Variants in TMEM41B observed in about 807,000 individuals in gnomAD.
TMEM41B encodes protein stasimon.
Under a neutral mutation model 31.9 loss-of-function variants are expected in TMEM41B, and 18 were observed. The observed-to-expected ratio is 0.56, with a 90% CI of 0.39 to 0.84. The LOEUF (loss-of-function observed/expected upper bound fraction) is 0.84. Among genes scored for constraint, TMEM41B ranks in the 40% least tolerant of loss-of-function variants. The pLI, the probability that TMEM41B is intolerant of heterozygous loss-of-function variation, is 0.00. For missense variants in TMEM41B, 322 were observed against 348.0 expected, an observed-to-expected ratio of 0.93 and a Z score of 0.59; for synonymous variants, 144 against 124.3, an observed-to-expected ratio of 1.16 and a Z score of -1.05.
Position 9,299,691 on chromosome 11 carries a change from C to A in TMEM41B, c.132G>T (p.Trp44Cys). 6.2e-7 allele frequency: 1 copy of A among 1,603,576 alleles called. No individual in the cohort carries two copies. The highest frequency in any genetic ancestry group is 8.5e-7 in the Non-Finnish European group (1 of 1,176,746). The change falls in exon 2 of 7, where the codon TGG (tryptophan) becomes TGT (cysteine). Residue 44 changes from tryptophan to cysteine, a missense_variant. Physicochemically the swap from Trp to Cys is radical, Grantham distance 215. Transcript: ENST00000528080. ...ACATTCTTGCTGATCCAGCTTCTAC[C>A]CAGGATTTTTCTGGAAGAAAAAAGA... Reference protein sequence around the residue: ...GSRDHQKEKSWVEAGSARMSL... With the variant: ...GSRDHQKEKSCVEAGSARMSL...
At chr11:9,309,068 A>G (rs1052260919) in intron 1 of TMEM41B, among the ~76,000 whole-genome samples, 1 of 152,038 alleles carries the variant, frequency 6.6e-6, no homozygotes, top group Non-Finnish European at 1.5e-5. Flanking sequence ...GCCAACACAG[A>G]GATAACCCGT....
intron 2 of TMEM41B, among the ~76,000 whole-genome samples, chr11:9,296,803 G>C (rs563465152): frequency 6.6e-6 from 1 of 152,232 alleles, no homozygotes; most frequent in East Asian, 1.9e-4. Context: ...AAAACTGCAA[G>C]TTTTCCAGTA....
chr11:9,301,843 AT>A (rs1289438825), intron 1 of TMEM41B, among the ~76,000 whole-genome samples: 1 of 152,216 alleles, frequency 6.6e-6, no homozygotes, highest in Non-Finnish European at 1.5e-5. Flanking sequence ...CGCCGAAGAC[AT>A]GTATCAGAAA....
At chr11:9,305,880 T>C (rs1267668762) in intron 1 of TMEM41B, among the ~76,000 whole-genome samples, 1 of 152,000 alleles carries the variant, frequency 6.6e-6, no homozygotes, top group Non-Finnish European at 1.5e-5. Context: ...TTTATAGGTC[T>C]ACATCTAAAT....
At chr11:9,286,360 T>C in intron 6 of TMEM41B, 95 bp downstream of exon 6, 2 of 1,277,982 alleles carry the variant, frequency 1.6e-6, no homozygotes, top group Non-Finnish European at 2.1e-6. Flanking sequence ...GGTGCTGGCA[T>C]AATCTGCAGA....
intron 1 of TMEM41B, among the ~76,000 whole-genome samples, chr11:9,304,950 C>G (rs539605567): frequency 6.6e-6 from 1 of 152,028 alleles, no homozygotes; most frequent in South Asian, 2.1e-4. Context: ...GCCACCACGC[C>G]CAGCAATTTT....
At chr11:9,310,040 TATTA>T (rs1853518602) in intron 1 of TMEM41B, among the ~76,000 whole-genome samples, 4 of 148,156 alleles carry the variant, frequency 2.7e-5, no homozygotes, top group African/African-American at 5.1e-5. Flanking sequence ...TTATTATTAT[TATTA>T]TTTTTTTTTG....
In TMEM41B at chr11:9,312,544, C is replaced by T. The variant is rs542761043; in HGVS notation, c.121+1777G>A. ...CTTACTTCATCATGAAGTGAAGGCACGCCTTCACATCTCTTCCCTGTCTTC... is the reference window on the plus strand; with the variant it reads ...CTTACTTCATCATGAAGTGAAGGCATGCCTTCACATCTCTTCCCTGTCTTC... On this transcript the variant is annotated intron_variant, in intron 1 of 6. Coordinates refer to ENST00000528080, the MANE Select transcript of TMEM41B (RefSeq NM_015012.4). Among the ~76,000 whole-genome samples the T allele has an allele frequency of 3.3e-5, 5 of 152,102 alleles. No individual in the cohort carries two copies. In the East Asian group the frequency reaches 5.8e-4, roughly 18 times the overall value.
intron 1 of TMEM41B, among the ~76,000 whole-genome samples, chr11:9,308,034 C>G (rs1388811327): frequency 6.6e-6 from 1 of 152,026 alleles, no homozygotes; most frequent in Non-Finnish European, 1.5e-5. Context: ...CCGCGCCCAG[C>G]CTTAAAATCA....
At chr11:9,295,833 C>T (rs930005493) in intron 2 of TMEM41B, among the ~76,000 whole-genome samples, 2 of 147,828 alleles carry the variant, frequency 1.4e-5, no homozygotes, top group Non-Finnish European at 3.0e-5. Flanking sequence ...CGCACCTGGC[C>T]TATAAATTAT....
chr11:9,303,429 T>C (rs2133639427), intron 1 of TMEM41B, among the ~76,000 whole-genome samples: 1 of 152,044 alleles, frequency 6.6e-6, no homozygotes, highest in Non-Finnish European at 1.5e-5. Flanking sequence ...CGTGAATGAG[T>C]GTGCCCAGTC....
At chr11:9,291,794 C>T (rs192430360) in intron 3 of TMEM41B, among the ~76,000 whole-genome samples, 4 of 151,838 alleles carry the variant, frequency 2.6e-5, no homozygotes, top group Admixed American at 6.6e-5. Context: ...CTGCATTCTC[C>T]GCATCCCAGG....
chr11:9,286,653 AAT>A, intron 5 of TMEM41B, 60 bp from the exon 6 acceptor site: 1 of 1,490,960 alleles, frequency 6.7e-7, no homozygotes, highest in Non-Finnish European at 9.1e-7. Flanking sequence ...TAAGTTGCTT[AAT>A]ATAAACACCT....
At chr11:9,306,854 A>C (rs1853411110) in intron 1 of TMEM41B, among the ~76,000 whole-genome samples, 1 of 152,218 alleles carries the variant, frequency 6.6e-6, no homozygotes, top group Non-Finnish European at 1.5e-5. Context: ...CTTTAACTGC[A>C]ACCAATGATG....
intron 1 of TMEM41B, 151 bp from the exon 2 acceptor site, chr11:9,299,852 A>G (rs10743101): frequency 0.9 from 562,190 of 621,680 alleles, 255,345 homozygotes; most frequent in East Asian, 1. Context: ...GGGCACAGTG[A>G]CTCACGCCTG....
At chr11:9,306,450 A>G (rs1853398764) in intron 1 of TMEM41B, among the ~76,000 whole-genome samples, 3 of 152,000 alleles carry the variant, frequency 2.0e-5, no homozygotes, top group Admixed American at 1.3e-4. Context: ...TGGGAGGTCG[A>G]GGCGGTCGGA....
At chr11:9,311,962 G>A (rs897925028) in intron 1 of TMEM41B, among the ~76,000 whole-genome samples, 5 of 152,182 alleles carry the variant, frequency 3.3e-5, no homozygotes, top group African/African-American at 9.7e-5. Context: ...TACATATGAT[G>A]ATAACTACTT....
chr11:9,305,201 A>AATAT (rs34978300), intron 1 of TMEM41B, among the ~76,000 whole-genome samples: 6 of 151,532 alleles, frequency 4.0e-5, no homozygotes, highest in Non-Finnish European at 7.4e-5. Flanking sequence ...GAATGAGGGT[A>AATAT]ATATATATAT....
intron 3 of TMEM41B, among the ~76,000 whole-genome samples, chr11:9,293,755 G>A (rs1241531786): frequency 6.6e-6 from 1 of 151,802 alleles, no homozygotes; most frequent in Non-Finnish European, 1.5e-5. Flanking sequence ...GCTAATTTTT[G>A]TATTTTTAGT....
Sources: allele counts gnomAD v4.1 joint callset (sites outside exome capture counted in the v4.1 genomes callset), GRCh38; gene constraint gnomAD v4.1.1; transcripts MANE v1.5; gene names NCBI Gene and HGNC (gene_info 2026-07-23, HGNC 2026-07-21).